PTCH2: variants seen among roughly 807,000 people sequenced by gnomAD.
PTCH2 encodes the protein patched 2.
Under a neutral mutation model 117.9 loss-of-function variants are expected in PTCH2, and 96 were observed. That is an observed-to-expected ratio of 0.81 (90% CI 0.69 to 0.96). The LOEUF (loss-of-function observed/expected upper bound fraction) is 0.96, where lower values mean the gene tolerates loss of function less well. PTCH2 is among the 50% of genes least tolerant of loss of function. The pLI, the probability that PTCH2 is intolerant of heterozygous loss-of-function variation, is 0.00. For synonymous variants in PTCH2, 615 were observed against 660.9 expected (o/e 0.93, Z 1.06); for missense variants, 1,379 against 1,562.5 (o/e 0.88, Z 1.98).
intron 2 of PTCH2, among the ~76,000 whole-genome samples, chr1:44,838,386 CAT>C (rs1653781126): frequency 1.3e-5 from 2 of 152,162 alleles, no homozygotes; most frequent in Non-Finnish European, 2.9e-5. Context: ...GGATTACAGG[CAT>C]GCACCACCAC....
At chr1:44,832,798 G>A (rs1359840558) in intron 2 of PTCH2, among the ~76,000 whole-genome samples, 1 of 152,192 alleles carries the variant, frequency 6.6e-6, no homozygotes, top group Non-Finnish European at 1.5e-5. Context: ...AAAAGAACAG[G>A]TGTAGGGCTA....
In PTCH2 at chr1:44,822,589, G is replaced by T; in HGVS notation, c.3438C>A (p.Ser1146=). 6.2e-7 allele frequency: 1 copy of T among 1,614,082 alleles called. No individual in the cohort carries two copies. Among genetic ancestry groups the T allele is most frequent in the Non-Finnish European group, 8.5e-7 (1 of 1,179,984 alleles). Reference sequence around the variant, plus strand: ...TGGCAAAGCTCTGGGGCAGGGAGGAGGATGCCCCCCACCTAAGCCCGCCTC... The same window carrying T: ...TGGCAAAGCTCTGGGGCAGGGAGGATGATGCCCCCCACCTAAGCCCGCCTC... ...PQGGGLRWGA[S]SSLPQSFARV... Residue 1146 remains serine (S), a synonymous_variant, in exon 22 of 22, where the codon TCC becomes TCA. Transcript: ENST00000372192.
rs1557645886 is a variant in PTCH2, at chr1:44,829,463, T to A, written c.1154A>T (p.Asp385Val). ...GACTTCAGAGAACGCATGCAGGATG[T>A]CATCCAGGGTGGTGGAGGAGAAGGC... The part of the protein sequence containing the change: ...IHAFSSTTLD[D>V]ILHAFSEVSA... The change falls in exon 9 of 22, where the codon GAC becomes GTC. Residue 385 changes from aspartate to valine, a missense_variant. Coordinates refer to ENST00000372192, the MANE Select transcript of PTCH2 (RefSeq NM_003738.5). The A allele has an allele frequency of 6.2e-7, 1 of 1,614,174 alleles. No individual in the cohort carries two copies.
intron 2 of PTCH2, among the ~76,000 whole-genome samples, chr1:44,836,212 T>C (rs1323375307): frequency 6.6e-6 from 1 of 152,212 alleles, no homozygotes; most frequent in Non-Finnish European, 1.5e-5. Flanking sequence ...TTCCATTGCC[T>C]TTGCCAAGTG....
Position 44,826,442 on chromosome 1 carries a change from C to T in PTCH2, c.2976+46G>A, listed in dbSNP as rs367631323. On this transcript the variant is annotated intron_variant, in intron 18 of 21. Coordinates refer to ENST00000372192, the MANE Select transcript of PTCH2 (RefSeq NM_003738.5). The surrounding 1 kb of genome is among the most constrained non-coding windows in gnomAD (Gnocchi z 5.1). ...CTGGCAGGAGGGATGACAGGCTGGG[C>T]AGGGAAGGGTGGGGTGTCTCTGTCC... 1.2e-6 allele frequency: 2 copies of T among 1,613,596 alleles called. No homozygotes were observed. The highest frequency in any genetic ancestry group is 1.7e-5 in the Admixed American group (1 of 59,982).
rs942038511 is a variant in PTCH2, at chr1:44,823,713, T to C, written c.3115-328A>G. On this transcript the variant is annotated intron_variant, in intron 19 of 21. Coordinates refer to ENST00000372192, the MANE Select transcript of PTCH2 (RefSeq NM_003738.5). The surrounding 1 kb of genome is among the most constrained non-coding windows in gnomAD (Gnocchi z 5.1). ...CAGCACTTTGGGAGGCTGAGGTGGG[T>C]GGATCACCTGAGGTTGGGAGTTCCA... Among the ~76,000 whole-genome samples the C allele has an allele frequency of 6.6e-6, 1 of 151,214 alleles. No homozygotes were observed. The highest frequency in any genetic ancestry group is 1.5e-5 in the Non-Finnish European group (1 of 67,878).
Position 44,826,832 on chromosome 1 carries a change from G to A in PTCH2, c.2696-64C>T, listed in dbSNP as rs1653171262. 6.2e-7 allele frequency: 1 copy of A among 1,610,988 alleles called. No homozygotes were observed. The highest frequency in any genetic ancestry group is 1.1e-5 in the South Asian group (1 of 90,998). On this transcript the variant is annotated intron_variant, in intron 17 of 21. Coordinates refer to ENST00000372192, the MANE Select transcript of PTCH2 (RefSeq NM_003738.5). The surrounding 1 kb of genome is among the most constrained non-coding windows in gnomAD (Gnocchi z 5.1). The stretch of plus-strand genomic sequence containing the variant: ...AGGGCGGTGAGCACGGGGCAGAGTG[G>A]GCAGGGCCTCAGGCTCAGGGCTTGT...
Position 44,822,107 on chromosome 1 carries a change from G to A in PTCH2, c.*308C>T, listed in dbSNP as rs1267580969. On this transcript the variant is annotated 3_prime_UTR_variant, in exon 22 of 22. Transcript: ENST00000372192. ...AGTCACCAGACGGAAGGGTGCTGGAGGGTCCCTCAGGCTTGGTCAGCTGGG... is the reference window on the plus strand; with the variant it reads ...AGTCACCAGACGGAAGGGTGCTGGAAGGTCCCTCAGGCTTGGTCAGCTGGG... 1.9e-5 allele frequency: 27 copies of A among 1,388,180 alleles called. No individual in the cohort carries two copies. In the East Asian group the frequency reaches 3.4e-4, roughly 18 times the overall value. The allele number at this position is 1,388,180 out of a possible 1,614,324, so 86.0% of individuals were successfully genotyped here. A position where few individuals can be genotyped will look rare whatever the true frequency, so the allele number is the denominator to read the frequency against.
At position 44,830,264 on chromosome 1, in the gene PTCH2, C is replaced by T. The variant is rs376484450; in HGVS notation, c.814-234G>A. On this transcript the variant is annotated intron_variant, in intron 6 of 21. Transcript: ENST00000372192. ...GGGCTTCTGGGAGGAGCTGGTGTAA[C>T]TGGCGGATTCTGAAAAAAGTACCAC... Among the ~76,000 whole-genome samples the T allele has an allele frequency of 1.4e-4, 22 of 152,226 alleles. 1 individual carries two copies. In the South Asian group the frequency reaches 1.5e-3, roughly 10 times the overall value.
intron 2 of PTCH2, among the ~76,000 whole-genome samples, chr1:44,837,263 A>G (rs1653728172): frequency 6.6e-6 from 1 of 151,426 alleles, no homozygotes; most frequent in African/African-American, 2.4e-5. Flanking sequence ...TTATTTATTT[A>G]TATATTTTTT....
chr1:44,839,536 A>G (rs926667054), intron 2 of PTCH2, among the ~76,000 whole-genome samples: 1 of 152,054 alleles, frequency 6.6e-6, no homozygotes. Context: ...GGTCTAGCCT[A>G]TCCTATGCTG....
rs1573648782 is a variant in PTCH2, at chr1:44,829,281, C to T, written c.1247G>A (p.Trp416Ter). Residue 416 changes from tryptophan (W) to a stop codon, truncating the protein, a stop_gained, in exon 10 of 22, where the codon TGG becomes TAG. Coordinates refer to ENST00000372192, the MANE Select transcript of PTCH2 (RefSeq NM_003738.5). LOFTEE classifies it high-confidence loss of function. ...LAYACVTMLRWDCAQSQGSVG... is the reference protein window; with the variant it reads ...LAYACVTMLR ...GGAACCCTGGGACTGGGCGCAGTCCCACCGCAGCATGGTCACACAGGCATA... is the reference window on the plus strand; with the variant it reads ...GGAACCCTGGGACTGGGCGCAGTCCTACCGCAGCATGGTCACACAGGCATA... 2 of 1,613,590 alleles carry T rather than the reference C, an allele frequency of 1.2e-6. No individual in the cohort carries two copies. The highest frequency in any genetic ancestry group is 1.7e-6 in the Non-Finnish European group (2 of 1,179,988).
intron 2 of PTCH2, among the ~76,000 whole-genome samples, chr1:44,836,592 C>CT (rs1381256925): frequency 6.6e-6 from 1 of 152,024 alleles, no homozygotes; most frequent in Non-Finnish European, 1.5e-5. Flanking sequence ...GTAATCCCAG[C>CT]TACTGAGGAG....
chr1:44,830,703 G>A, intron 6 of PTCH2, 145 bp downstream of exon 6: 1 of 725,572 alleles, frequency 1.4e-6, no homozygotes, highest in Non-Finnish European at 2.1e-6. Context: ...AACATTGGGG[G>A]CCTGGCACTG....
intron 2 of PTCH2, among the ~76,000 whole-genome samples, chr1:44,839,381 A>AAAAAAAAAAAAC (rs1432034383): frequency 6.6e-6 from 1 of 150,458 alleles, no homozygotes; most frequent in African/African-American, 2.4e-5. Context: ...AAAAAAAAAA[A>AAAAAAAAAAAAC]AACAGAAAGA....
chr1:44,838,464 C>T (rs1653783726), intron 2 of PTCH2, among the ~76,000 whole-genome samples: 1 of 152,202 alleles, frequency 6.6e-6, no homozygotes, highest in South Asian at 2.1e-4. Flanking sequence ...TGGTCTCAAA[C>T]TCTTGACCTC....
At chr1:44,833,230 C>T (rs1255580901) in intron 2 of PTCH2, among the ~76,000 whole-genome samples, 1 of 152,082 alleles carries the variant, frequency 6.6e-6, no homozygotes, top group Non-Finnish European at 1.5e-5. Flanking sequence ...TTGTGAGGGG[C>T]TATCACCTAA....
chr1:44,841,902 T>C lies in PTCH2; in HGVS notation c.210A>G (p.Ala70=). The C allele has an allele frequency of 6.2e-7, 1 of 1,614,246 alleles. No individual in the cohort carries two copies. Among genetic ancestry groups the C allele is most frequent in the Non-Finnish European group, 8.5e-7 (1 of 1,180,032 alleles). ...FLGLLAFGAL[A]LGLRMAIIET... is the part of the protein sequence containing the mutation. ...CAATAATGGCCATGCGGAGACCTAA[T>C]GCCAGGGCCCCAAAGGCCAACAGTC... Residue 70 remains alanine, a synonymous_variant, in exon 2 of 22, where the codon GCA becomes GCG. Transcript: ENST00000372192.
rs759618910 is a variant in PTCH2, at chr1:44,826,972, C to T, written c.2625G>A (p.Gln875=). ...SSDPLGLAAS[Q]ANFYPPPPEW... is the part of the protein sequence containing the mutation. ...CAGGAGGTGGGGGGTAGAAGTTGGC[C>T]TGTGAGGCTGCCAGACCCAGGGGGT... Residue 875 remains glutamine (Q), a synonymous_variant, in exon 17 of 22, where the codon CAG becomes CAA. Coordinates refer to ENST00000372192, the MANE Select transcript of PTCH2 (RefSeq NM_003738.5). The surrounding 1 kb of genome is among the most constrained non-coding windows in gnomAD (Gnocchi z 5.1). The T allele has an allele frequency of 1.2e-6, 2 of 1,614,058 alleles. No homozygotes were observed. The highest frequency in any genetic ancestry group is 1.1e-5 in the South Asian group (1 of 91,076).
Sources: allele counts gnomAD v4.1 joint callset (sites outside exome capture counted in the v4.1 genomes callset), GRCh38; gene constraint gnomAD v4.1.1; non-coding constraint Gnocchi (gnomAD v3.1); transcripts MANE v1.5; gene names NCBI Gene and HGNC (gene_info 2026-07-23, HGNC 2026-07-21).